Variants in CFAP54 observed in about 807,000 individuals in gnomAD.
CFAP54 encodes cilia and flagella associated protein 54, also known as cilia- and flagella-associated protein 54.
Under a neutral mutation model 370.4 loss-of-function variants are expected in CFAP54, and 290 were observed. The ratio of observed to expected loss-of-function variants is 0.78; its 90% CI spans 0.71 to 0.86. The LOEUF is 0.86. Ranked by LOEUF, CFAP54 falls within the 40% of genes least tolerant of loss-of-function variation. The pLI, the probability that CFAP54 is intolerant of heterozygous loss-of-function variation, is 0.00. For synonymous variants in CFAP54, 1,206 were observed against 1,236.5 expected, an observed-to-expected ratio of 0.98 and a Z score of 0.52; for missense variants, 3,399 against 3,528.7, an observed-to-expected ratio of 0.96 and a Z score of 0.93.
chr12:96,668,664 G>A, intron 39 of CFAP54, among the ~76,000 whole-genome samples: 1 of 152,166 alleles, frequency 6.6e-6, no homozygotes, highest in East Asian at 1.9e-4. Context: ...ATTGTATTAA[G>A]CCCTTTTGGA....
At chr12:96,570,165 G>A (rs1010757098) in intron 19 of CFAP54, among the ~76,000 whole-genome samples, 65 of 151,834 alleles carry the variant, frequency 4.3e-4, no homozygotes, top group African/African-American at 1.5e-3. Flanking sequence ...GTAAAGATGC[G>A]GTTTTGTCAT....
chr12:96,510,840 G>A, intron 4 of CFAP54, among the ~76,000 whole-genome samples: 1 of 151,788 alleles, frequency 6.6e-6, no homozygotes, highest in Admixed American at 6.6e-5. Context: ...GCGAGCGCCT[G>A]TAATCCCAGC....
At chr12:96,765,398 T>C (rs11108690) in intron 60 of CFAP54, 180 bp downstream of exon 60, 4,891 of 411,646 alleles carry the variant, frequency 0.012, 56 homozygotes, top group African/African-American at 0.037. Flanking sequence ...TCACTGCACA[T>C]GTGTACCTGT....
At position 96,643,838 on chromosome 12, in the gene CFAP54, A is replaced by G. The variant is rs1203777386; in HGVS notation, c.4317-340A>G. 2.6e-5 allele frequency among the ~76,000 whole-genome samples: 4 copies of G among 152,262 alleles called. No homozygotes were observed. In the South Asian group the frequency reaches 6.2e-4, roughly 24 times the overall value. ...TCTTGTTTAATATTGAATTTAGTTG[A>G]TGAATGTGGACATCATATCCTAATT... On this transcript the variant is annotated intron_variant, in intron 32 of 67. Transcript: ENST00000524981.
intron 39 of CFAP54, among the ~76,000 whole-genome samples, chr12:96,666,935 G>T (rs1957087779): frequency 6.6e-6 from 1 of 152,182 alleles, no homozygotes; most frequent in South Asian, 2.1e-4. Context: ...TCAAAAGCAA[G>T]TTAGTTACTT....
chr12:96,709,877 C>G (rs776524524), intron 48 of CFAP54, among the ~76,000 whole-genome samples: 8 of 151,950 alleles, frequency 5.3e-5, no homozygotes, highest in Non-Finnish European at 7.4e-5. Context: ...CCTGCCACCA[C>G]GCCCAGCTAA....
rs979281515 is a variant in CFAP54, at chr12:96,845,633, G to A, written c.9172-15186G>A. Among the ~76,000 whole-genome samples, 9 of 152,324 alleles carry A rather than the reference G, an allele frequency of 5.9e-5. No individual in the cohort carries two copies. The South Asian group carries it at 1.7e-3, about 28-fold the overall frequency. ...GTTGGCAGAGCCCTTTACTGTGACT[G>A]CATTGCAGCCCAGCTTCTCCCTCTG... On this transcript the variant is annotated intron_variant, in intron 66 of 67. Transcript: ENST00000524981.
In CFAP54 at chr12:96,786,918, GA is replaced by G; in HGVS notation, c.8679+21del. ...GCCAAGGTAACGTTTTTTGAAACATGATATATTTACATAAAACTTCTTGGAA... is the reference window on the plus strand; with the variant it reads ...GCCAAGGTAACGTTTTTTGAAACATGTATATTTACATAAAACTTCTTGGAA... On this transcript the variant is annotated intron_variant, in intron 62 of 67. Coordinates refer to ENST00000524981, the MANE Select transcript of CFAP54 (RefSeq NM_001306084.2). 6.8e-7 allele frequency: 1 copy of G among 1,468,764 alleles called. No homozygotes were observed. The highest frequency in any genetic ancestry group is 1.3e-5 in the South Asian group (1 of 79,186). 91.0% of individuals were successfully genotyped at this position (1,468,764 alleles called of 1,614,324 possible).
chr12:96,726,990 GT>G (rs1957849284), intron 50 of CFAP54, among the ~76,000 whole-genome samples: 1 of 152,224 alleles, frequency 6.6e-6, no homozygotes, highest in Admixed American at 6.5e-5. Flanking sequence ...GCGATTTTGA[GT>G]GAGTTTCTTA....
intron 60 of CFAP54, among the ~76,000 whole-genome samples, chr12:96,777,815 A>G (rs1042681130): frequency 1.7e-4 from 26 of 152,230 alleles, no homozygotes; most frequent in African/African-American, 6.0e-4. Context: ...CTTTTGTGCC[A>G]TCAATGCCAA....
chr12:96,684,855 C>T, intron 41 of CFAP54, 120 bp downstream of exon 41: 2 of 972,016 alleles, frequency 2.1e-6, no homozygotes, highest in Non-Finnish European at 1.6e-6. Flanking sequence ...TACTACATTG[C>T]TACATTTTAT....
At chr12:96,513,413 T>G (rs1049334588) in intron 5 of CFAP54, among the ~76,000 whole-genome samples, 13 of 152,088 alleles carry the variant, frequency 8.5e-5, no homozygotes, top group Middle Eastern at 3.2e-3. Flanking sequence ...TGTTGTCCTG[T>G]TAGTAATTAT....
At chr12:96,650,159 CTTA>C in intron 35 of CFAP54, 87 bp downstream of exon 35, 1 of 1,145,988 alleles carries the variant, frequency 8.7e-7, no homozygotes, top group South Asian at 1.6e-5. Context: ...TGTTTATTTT[CTTA>C]TTATACATAA....
chr12:96,847,016 A>G (rs1331355000), intron 66 of CFAP54, among the ~76,000 whole-genome samples: 1 of 152,174 alleles, frequency 6.6e-6, no homozygotes, highest in African/African-American at 2.4e-5. Flanking sequence ...TGCCAGCTGC[A>G]AATGGGGTTC....
intron 63 of CFAP54, among the ~76,000 whole-genome samples, chr12:96,799,477 C>G (rs2136710485): frequency 6.6e-6 from 1 of 152,288 alleles, no homozygotes; most frequent in South Asian, 2.1e-4. Context: ...CTCATGTGAC[C>G]CATGTCAAAT....
rs546826936 is a variant in CFAP54, at chr12:96,731,642, A to AT, written c.6966-8307dup. Reference sequence around the variant, plus strand: ...AGCTTGACAATTTTCTAATATTTAGATTTTTTTCCTGTCAGATTGGTAGAA... The same window carrying AT: ...AGCTTGACAATTTTCTAATATTTAGATTTTTTTTCCTGTCAGATTGGTAGAA... On this transcript the variant is annotated intron_variant, in intron 50 of 67. Transcript: ENST00000524981. 4.5e-3 allele frequency among the ~76,000 whole-genome samples: 682 copies of AT among 152,288 alleles called. 4 individuals carry two copies. Among genetic ancestry groups the AT allele is most frequent in the African/African-American group, 0.016 (649 of 41,554 alleles).
intron 64 of CFAP54, among the ~76,000 whole-genome samples, chr12:96,815,992 G>A (rs10777816): frequency 0.4 from 61,539 of 152,024 alleles, 12,695 homozygotes; most frequent in Middle Eastern, 0.44. Context: ...AAGTCAGGTA[G>A]CATGATGCCT....
chr12:96,625,432 A>G (rs1267101677), intron 28 of CFAP54, among the ~76,000 whole-genome samples: 8 of 152,218 alleles, frequency 5.3e-5, no homozygotes, highest in African/African-American at 1.9e-4. Context: ...TTGCTGATAT[A>G]TGACAGCTGT....
At chr12:96,524,101 A>G (rs1421619240) in intron 8 of CFAP54, among the ~76,000 whole-genome samples, 1 of 152,130 alleles carries the variant, frequency 6.6e-6, no homozygotes, top group Non-Finnish European at 1.5e-5. Flanking sequence ...TGCATTGAAC[A>G]TATTTTCTAA....
Sources: gnomAD v4.1 joint callset for allele counts (sites outside exome capture counted in the v4.1 genomes callset) on GRCh38, gnomAD v4.1.1 for gene constraint, MANE v1.5 for transcripts, NCBI Gene and HGNC (gene_info 2026-07-23, HGNC 2026-07-21) for gene names.